The following GOLGA6L7 variants were observed in gnomAD, a reference collection of about 807,000 sequenced individuals.
GOLGA6L7 encodes golgin A6 family like 7, also known as golgin subfamily A member 6-like protein 7.
GOLGA6L7 carries 29 observed loss-of-function variants against 68.9 expected under a neutral mutation model. That is an observed-to-expected ratio of 0.42 (90% CI 0.31 to 0.57). GOLGA6L7 has a LOEUF of 0.57. Ranked by LOEUF, GOLGA6L7 falls within the 20% of genes least tolerant of loss-of-function variation. The probability of loss-of-function intolerance (pLI) is 0.13; values close to 1 mark genes in which losing one functional copy is unlikely to be tolerated. For synonymous variants in GOLGA6L7, 133 were observed against 197.4 expected, an observed-to-expected ratio of 0.67 and a Z score of 2.73; for missense variants, 396 against 588.4, an observed-to-expected ratio of 0.67 and a Z score of 3.38.
At position 28,845,526 on chromosome 15, in the gene GOLGA6L7, C is replaced by T. The variant is rs1397737839; in HGVS notation, c.462+3G>A. Reference sequence around the variant, plus strand: ...AGGGGACCGGGTAGGTGGTTGGACTCACCTTGTCCGCCCTCTCGTGCTCTG... The same window carrying T: ...AGGGGACCGGGTAGGTGGTTGGACTTACCTTGTCCGCCCTCTCGTGCTCTG... On this transcript the variant is annotated splice_donor_region_variant and intron_variant, in intron 6 of 8. Transcript: ENST00000567390. The T allele has an allele frequency of 1.4e-6, 1 of 710,304 alleles. No homozygotes were observed. Among genetic ancestry groups the T allele is most frequent in the East Asian group, 2.7e-5 (1 of 37,316 alleles). 44.0% of individuals were successfully genotyped at this position (710,304 alleles called of 1,614,324 possible). A position where few individuals can be genotyped will look rare whatever the true frequency, so the allele number is the denominator to read the frequency against.
chr15:28,844,430 C>CTTTTTT (rs3062970), intron 6 of GOLGA6L7, among the ~76,000 whole-genome samples, 167 bp from the exon 7 acceptor site: 2 of 128,732 alleles, frequency 1.6e-5, no homozygotes, highest in Admixed American at 8.3e-5. Context: ...TTTTTCTTTT[C>CTTTTTT]TTTTTTTTTT....
rs1482763281 is a variant in GOLGA6L7 at position 28,845,559 on chromosome 15, A to G, written c.432T>C (p.Ala144=). ...FAGELQRALS[A]MSAEHERADK... is the part of the protein sequence containing the mutation. Reference sequence around the variant, plus strand: ...CCGCCCTCTCGTGCTCTGCGGACATAGCAGAGAGAGCCCGCTGTAACTCTC... The same window carrying G: ...CCGCCCTCTCGTGCTCTGCGGACATGGCAGAGAGAGCCCGCTGTAACTCTC... Residue 144 remains alanine, a synonymous_variant, in exon 6 of 9, where the codon GCT becomes GCC. Transcript: ENST00000567390. The G allele has an allele frequency of 1.3e-6, 1 of 756,408 alleles. No homozygotes were observed. The highest frequency in any genetic ancestry group is 2.7e-5 in the East Asian group (1 of 37,580). 46.9% of individuals were successfully genotyped at this position (756,408 alleles called of 1,614,324 possible). A position where few individuals can be genotyped will look rare whatever the true frequency, so the allele number is the denominator to read the frequency against.
chr15:28,843,474 T>C, intron 8 of GOLGA6L7, 34 bp from the exon 9 acceptor site: 1 of 482,786 alleles, frequency 2.1e-6, no homozygotes, highest in Middle Eastern at 3.0e-4. Context: ...GCTAGGTATA[T>C]AAATGTAATC....
At position 28,842,076 on chromosome 15, in the gene GOLGA6L7, C is replaced by T; in HGVS notation, c.*159G>A. On this transcript the variant is annotated 3_prime_UTR_variant, in exon 9 of 9. Coordinates refer to ENST00000567390, the MANE Select transcript of GOLGA6L7 (RefSeq NM_001365371.2). ...GGGATTGGTGATCCACCCGCCTAGG[C>T]CTCCCAAAGTGGTGTGATTACAGGT... 1.9e-6 allele frequency: 1 copy of T among 516,768 alleles called. No individual in the cohort carries two copies. Among genetic ancestry groups the T allele is most frequent in the Non-Finnish European group, 2.9e-6 (1 of 342,282 alleles). 32.0% of individuals were successfully genotyped at this position (516,768 alleles called of 1,614,324 possible).
chr15:28,844,543 G>T (rs1371689644), intron 6 of GOLGA6L7, among the ~76,000 whole-genome samples: 1 of 147,782 alleles, frequency 6.8e-6, no homozygotes, highest in Non-Finnish European at 1.5e-5. Context: ...CGATTCTTCT[G>T]CCTCAGCCTC....
At chr15:28,844,959 G>A (rs564008229) in intron 6 of GOLGA6L7, 1 of 196,056 alleles carries the variant, frequency 5.1e-6, no homozygotes, top group South Asian at 9.3e-5. Context: ...CAGATAAGGA[G>A]GAGGAAATTA....
Position 28,845,923 on chromosome 15 carries a change from G to C in GOLGA6L7, c.238C>G (p.Gln80Glu), listed in dbSNP as rs1311441879. 2 of 1,280,900 alleles carry C rather than the reference G, an allele frequency of 1.6e-6. No individual in the cohort carries two copies. Among genetic ancestry groups the C allele is most frequent in the East Asian group, 2.3e-5 (1 of 42,890 alleles). 79.3% of individuals were successfully genotyped at this position (1,280,900 alleles called of 1,614,324 possible). Residue 80 changes from glutamine (Q) to glutamate (E), a missense_variant, in exon 4 of 9, where the codon CAA becomes GAA. Transcript: ENST00000567390. ...EENKASHQHQ[Q>E]ALRRQLEAQD... ...ACCTCTAGCTGCCTCCTTAGGGCTT[G>C]CTGATGTTGGTGGCTTGCCTTATTT...
Position 28,847,035 on chromosome 15 carries a change from C to T in GOLGA6L7, c.180+29G>A, listed in dbSNP as rs559951906. On this transcript the variant is annotated intron_variant, in intron 2 of 8. Coordinates refer to ENST00000567390, the MANE Select transcript of GOLGA6L7 (RefSeq NM_001365371.2). ...TCGACCTCCCCCTTGTGCCCCTTGT[C>T]CTCAGGAGACCGGCCAGCCAAGACT... 22 of 989,808 alleles carry T rather than the reference C, an allele frequency of 2.2e-5. No homozygotes were observed. The Admixed American group carries it at 3.6e-4, about 16-fold the overall frequency. 61.3% of individuals were successfully genotyped at this position (989,808 alleles called of 1,614,324 possible). A position where few individuals can be genotyped will look rare whatever the true frequency, so the allele number is the denominator to read the frequency against.
rs28552837 is a variant in GOLGA6L7 at position 28,842,627 on chromosome 15, G to A, written c.1477C>T (p.Arg493Trp). The change falls in exon 9 of 9, where the codon CGG becomes TGG. Residue 493 changes from arginine (R) to tryptophan (W), a missense_variant. Arg to Trp is a moderately radical substitution (Grantham distance 101, BLOSUM62 -3). This residue lies in a region of GOLGA6L7 where 125 missense variants were observed against 163.3 expected (regional missense o/e 0.77). Transcript: ENST00000567390. ...AATTGCAGCCTCTCCACCTGCTTCCGCATCTGCTCCTCCTGCTCCCCCATC... is the reference window on the plus strand; with the variant it reads ...AATTGCAGCCTCTCCACCTGCTTCCACATCTGCTCCTCCTGCTCCCCCATC... ...EQMGEQEEQM[R>W]KQVERLQFKE... 5.2e-5 allele frequency: 67 copies of A among 1,291,980 alleles called. No individual in the cohort carries two copies. Among genetic ancestry groups the A allele is most frequent in the Admixed American group, 1.5e-4 (4 of 26,650 alleles). The allele number at this position is 1,291,980 out of a possible 1,614,324, so 80.0% of individuals were successfully genotyped here. A position where few individuals can be genotyped will look rare whatever the true frequency, so the allele number is the denominator to read the frequency against.
rs2030524374 is a variant in GOLGA6L7 at position 28,848,482 on chromosome 15, A to C, written c.51+17T>G. 1.4e-6 allele frequency: 1 copy of C among 702,168 alleles called. No individual in the cohort carries two copies. Among genetic ancestry groups the C allele is most frequent in the East Asian group, 2.7e-5 (1 of 37,218 alleles). 43.5% of individuals were successfully genotyped at this position (702,168 alleles called of 1,614,324 possible). ...GGCTGGGTTGGGGTTGGGGTGCTGCAATCCGATGCGTTTTACCTTTTTCTT... is the reference window on the plus strand; with the variant it reads ...GGCTGGGTTGGGGTTGGGGTGCTGCCATCCGATGCGTTTTACCTTTTTCTT... On this transcript the variant is annotated intron_variant, in intron 1 of 8. Coordinates refer to ENST00000567390, the MANE Select transcript of GOLGA6L7 (RefSeq NM_001365371.2).
rs1567379896 is a variant in GOLGA6L7 at position 28,842,225 on chromosome 15, AC to A, written c.*9del. On this transcript the variant is annotated 3_prime_UTR_variant, in exon 9 of 9. Coordinates refer to ENST00000567390, the MANE Select transcript of GOLGA6L7 (RefSeq NM_001365371.2). The stretch of plus-strand genomic sequence containing the variant: ...GCTTACACTTCTGTAGGCCTTGTTG[AC>A]CGTTCTTTTTAGATACTGATGATCT... 1 of 1,227,632 alleles carries A rather than the reference AC, an allele frequency of 8.1e-7. No individual in the cohort carries two copies. The highest frequency in any genetic ancestry group is 1.6e-5 in the African/African-American group (1 of 64,156). The allele number at this position is 1,227,632 out of a possible 1,614,324, so 76.0% of individuals were successfully genotyped here.
chr15:28,843,572 A>G (rs2030298388), intron 8 of GOLGA6L7, 132 bp from the exon 9 acceptor site: 2 of 470,522 alleles, frequency 4.3e-6, no homozygotes, highest in South Asian at 5.8e-5. Context: ...CATGGTCCCA[A>G]TTTGTAGATT....
chr15:28,847,278 G>T lies in GOLGA6L7; in HGVS notation c.52-86C>A, dbSNP rs543316329. 99 of 776,290 alleles carry T rather than the reference G, an allele frequency of 1.3e-4. 2 individuals carry two copies. Among genetic ancestry groups the T allele is most frequent in the Non-Finnish European group, 1.8e-4 (90 of 507,098 alleles). 48.1% of individuals were successfully genotyped at this position (776,290 alleles called of 1,614,324 possible). On this transcript the variant is annotated intron_variant, in intron 1 of 8. Coordinates refer to ENST00000567390, the MANE Select transcript of GOLGA6L7 (RefSeq NM_001365371.2). ...GTTTATACAAAATACTCTCATAGAC[G>T]ATCTGACTTAATGCCACCAACGACT...
chr15:28,845,535 C>T lies in GOLGA6L7; in HGVS notation c.456G>A (p.Ala152=), dbSNP rs761596790. 63 of 716,512 alleles carry T rather than the reference C, an allele frequency of 8.8e-5. No individual in the cohort carries two copies. The highest frequency in any genetic ancestry group is 5.3e-4 in the South Asian group (36 of 67,792). The allele number at this position is 716,512 out of a possible 1,614,324, so 44.4% of individuals were successfully genotyped here. ...LSAMSAEHER[A]DKYIKELTKE... ...GGTAGGTGGTTGGACTCACCTTGTC[C>T]GCCCTCTCGTGCTCTGCGGACATAG... Residue 152 remains alanine, a synonymous_variant, in exon 6 of 9, where the codon GCG becomes GCA. Transcript: ENST00000567390.
At chr15:28,846,993 A>C in intron 2 of GOLGA6L7, 71 bp downstream of exon 2, 3 of 749,208 alleles carry the variant, frequency 4.0e-6, no homozygotes, top group Non-Finnish European at 6.4e-6. Context: ...TTCCTTCCAC[A>C]ATCTTAACAG....
chr15:28,842,838 C>T lies in GOLGA6L7; in HGVS notation c.1266G>A (p.Met422Ile), dbSNP rs571866800. 1.7e-5 allele frequency: 21 copies of T among 1,249,398 alleles called. No homozygotes were observed. In the African/African-American group the frequency reaches 3.1e-4, roughly 18 times the overall value. 77.4% of individuals were successfully genotyped at this position (1,249,398 alleles called of 1,614,324 possible). A position where few individuals can be genotyped will look rare whatever the true frequency, so the allele number is the denominator to read the frequency against. The change falls in exon 9 of 9, where the codon ATG becomes ATA. Residue 422 changes from methionine (M) to isoleucine (I), a missense_variant. Met to Ile is a conservative substitution (Grantham distance 10). This residue lies in a region of GOLGA6L7 where 114 missense variants were observed against 186.0 expected (regional missense o/e 0.61). Transcript: ENST00000567390. ...TCCGGATCTGCTCCTCCTGCTCCCC[C>T]ATCTGCTCCTCCTGCTTCCTCATCT... Reference protein sequence around the residue: ...GEQMRKQEEQMGEQEEQIRKQ... With the variant: ...GEQMRKQEEQIGEQEEQIRKQ...
intron 1 of GOLGA6L7, 99 bp downstream of exon 1, chr15:28,848,400 C>T (rs2344377): frequency 3.2e-5 from 21 of 661,500 alleles, no homozygotes; most frequent in African/African-American, 1.4e-4. Flanking sequence ...CCCGGCCCTG[C>T]GTGCCTCTGG....
intron 6 of GOLGA6L7, 136 bp from the exon 7 acceptor site, chr15:28,844,399 C>T (rs541241767): frequency 2.5e-6 from 1 of 392,496 alleles, no homozygotes; most frequent in African/African-American, 2.1e-5. Context: ...CAAGGCGTTT[C>T]CAAACCCGTG....
In GOLGA6L7 at chr15:28,842,652, C is replaced by T. The variant is rs1368301909; in HGVS notation, c.1452G>A (p.Gln484=). ...QEEQMGEQEE[Q]MGEQEEQMRK... ...GCATCTGCTCCTCCTGCTCCCCCAT[C>T]TGCTCCTCCTGCTCCCCCATCTGCT... Residue 484 remains glutamine (Q), a synonymous_variant, in exon 9 of 9, where the codon CAG becomes CAA. Transcript: ENST00000567390. 1 of 1,299,560 alleles carries T rather than the reference C, an allele frequency of 7.7e-7. No individual in the cohort carries two copies. The highest frequency in any genetic ancestry group is 9.7e-7 in the Non-Finnish European group (1 of 1,030,756). 80.5% of individuals were successfully genotyped at this position (1,299,560 alleles called of 1,614,324 possible).
Sources: gnomAD v4.1 joint callset for allele counts (sites outside exome capture counted in the v4.1 genomes callset) on GRCh38, gnomAD v4.1.1 for gene constraint, gnomAD v4.1.1 regional missense constraint, MANE v1.5 for transcripts, NCBI Gene and HGNC (gene_info 2026-07-23, HGNC 2026-07-21) for gene names.